The following ATP6V1B1 variants were observed in gnomAD, a reference collection of about 807,000 sequenced individuals.
ATP6V1B1 encodes the protein V-type proton ATPase subunit B, kidney isoform.
A neutral mutation model predicts 62.1 loss-of-function variants in ATP6V1B1; 41 were observed. The observed-to-expected ratio is 0.66, with a 90% CI of 0.51 to 0.86. The LOEUF (loss-of-function observed/expected upper bound fraction) is 0.86. ATP6V1B1 is among the 40% of genes least tolerant of loss of function. The pLI is 0.00. For missense variants in ATP6V1B1, 651 were observed against 697.5 expected (o/e 0.93, Z 0.75); for synonymous variants, 253 against 273.4 (o/e 0.93, Z 0.74).
chr2:70,964,558 T>C lies in ATP6V1B1; in HGVS notation c.1248+16T>C, dbSNP rs1553420707. The C allele has an allele frequency of 6.2e-7, 1 of 1,612,920 alleles. No homozygotes were observed. Among genetic ancestry groups the C allele is most frequent in the Admixed American group, 1.7e-5 (1 of 60,006 alleles). On this transcript the variant is annotated intron_variant, in intron 12 of 13. Coordinates refer to ENST00000234396, the MANE Select transcript of ATP6V1B1 (RefSeq NM_001692.4). ...CAACCAGCTGGTAAGGAGAAGAGGG[T>C]CCGGGGGCTGGTAGGTCCTCTAGTT...
Position 70,963,073 on chromosome 2 carries a change from T to G in ATP6V1B1, c.910-89T>G. 6.2e-7 allele frequency: 1 copy of G among 1,604,074 alleles called. No homozygotes were observed. Among genetic ancestry groups the G allele is most frequent in the Non-Finnish European group, 8.5e-7 (1 of 1,173,548 alleles). On this transcript the variant is annotated intron_variant, in intron 9 of 13. Coordinates refer to ENST00000234396, the MANE Select transcript of ATP6V1B1 (RefSeq NM_001692.4). This position sits in a 1 kb window ranked among gnomAD's most constrained non-coding sequence, Gnocchi z 4.3. ...ATTCCTCCCCTGCCCCCCACTCCAT[T>G]TCTCACAGGGTCACTGAACCTCCCA... is the stretch of plus-strand genomic sequence containing the variant.
chr2:70,944,157 C>A, intron 2 of ATP6V1B1: 1 of 1,286,396 alleles, frequency 7.8e-7, no homozygotes, highest in Non-Finnish European at 1.0e-6. Context: ...CAAGTCAATG[C>A]CAACTAAATT....
intron 6 of ATP6V1B1, 65 bp from the exon 7 acceptor site, chr2:70,960,856 G>C: frequency 7.1e-7 from 1 of 1,416,012 alleles, no homozygotes; most frequent in Non-Finnish European, 9.7e-7. Flanking sequence ...TGAGCCAGTG[G>C]TGCTCAGTGG....
chr2:70,960,088 G>T lies in ATP6V1B1; in HGVS notation c.585+10G>T. On this transcript the variant is annotated intron_variant, in intron 6 of 13. Transcript: ENST00000234396. The stretch of plus-strand genomic sequence containing the variant: ...GCTCCCCCACAATGAGGTGAGGCCT[G>T]CAGGGCCAGCAGGCATGGCTGGGGG... The T allele has an allele frequency of 6.2e-7, 1 of 1,613,978 alleles. No individual in the cohort carries two copies. The highest frequency in any genetic ancestry group is 8.5e-7 in the Non-Finnish European group (1 of 1,179,936).
In ATP6V1B1 at chr2:70,958,144, G is replaced by A. The variant is rs782239977; in HGVS notation, c.273G>A (p.Gln91=). 4 of 1,613,928 alleles carry A rather than the reference G, an allele frequency of 2.5e-6. No homozygotes were observed. Among genetic ancestry groups the A allele is most frequent in the Non-Finnish European group, 3.4e-6 (4 of 1,179,952 alleles). Residue 91 remains glutamine (Q), a splice_region_variant and synonymous_variant, in exon 3 of 14, where the codon CAG becomes CAA. Coordinates refer to ENST00000234396, the MANE Select transcript of ATP6V1B1 (RefSeq NM_001692.4). The part of the protein sequence containing the change: ...LEVAGTKAIV[Q]VFEGTSGIDA... The stretch of plus-strand genomic sequence containing the variant: ...TGGCTGGCACCAAGGCGATTGTTCA[G>A]GTGAGTGGGGTCAATGGGACATTGG...
chr2:70,941,693 GAT>G (rs1403071465), intron 1 of ATP6V1B1: 3 of 975,368 alleles, frequency 3.1e-6, no homozygotes, highest in Non-Finnish European at 1.2e-6. Context: ...CCATGCAGTA[GAT>G]ATGCTTGAAG....
chr2:70,948,166 A>ACCACTCTCCTCT (rs1216811823), intron 2 of ATP6V1B1: 6 of 152,020 alleles, frequency 3.9e-5, no homozygotes, highest in South Asian at 2.1e-4. Context: ...CACAGAACGC[A>ACCACTCTCCTCT]CCACTCTCCT....
intron 1 of ATP6V1B1, among the ~76,000 whole-genome samples, chr2:70,937,822 A>G (rs1679895681): frequency 6.6e-6 from 1 of 151,928 alleles, no homozygotes; most frequent in African/African-American, 2.4e-5. Context: ...GGTTGGCCCA[A>G]GCCTGGAGCC....
chr2:70,936,268 GC>G lies in ATP6V1B1; in HGVS notation c.118+197del, dbSNP rs1421385468. On this transcript the variant is annotated intron_variant, in intron 1 of 13. Coordinates refer to ENST00000234396, the MANE Select transcript of ATP6V1B1 (RefSeq NM_001692.4). The stretch of plus-strand genomic sequence containing the variant: ...AGGCCACCTCTGCAGGTGAAGGGTT[GC>G]AGGTCCCCAGCCCAGCCCACCCCAG... Among the ~76,000 whole-genome samples, 4 of 152,306 alleles carry G rather than the reference GC, an allele frequency of 2.6e-5. No individual in the cohort carries two copies. In the South Asian group the frequency reaches 6.2e-4, roughly 24 times the overall value.
chr2:70,941,529 T>C, intron 1 of ATP6V1B1: 1 of 916,174 alleles, frequency 1.1e-6, no homozygotes, highest in Non-Finnish European at 1.3e-6. Context: ...TGGTCTTCCC[T>C]CCCACTCTCG....
intron 8 of ATP6V1B1, among the ~76,000 whole-genome samples, chr2:70,962,488 T>G (rs1680613057): frequency 1.3e-5 from 2 of 152,152 alleles, no homozygotes; most frequent in Non-Finnish European, 2.9e-5. Flanking sequence ...ACTCTCATCT[T>G]CATCAGGCAC....
Position 70,959,825 on chromosome 2 carries a change from A to G in ATP6V1B1, c.446-114A>G, listed in dbSNP as rs191676951. On this transcript the variant is annotated intron_variant, in intron 5 of 13. Transcript: ENST00000234396. This position sits in a 1 kb window ranked among gnomAD's most constrained non-coding sequence, Gnocchi z 4.2. ...GGCAGCACGGCCAGAGCACGTTTCT[A>G]TCATCACAGAAAGTTCCGTCAAACA... 2 of 1,530,074 alleles carry G rather than the reference A, an allele frequency of 1.3e-6. No homozygotes were observed. The highest frequency in any genetic ancestry group is 1.7e-5 in the Admixed American group (1 of 57,700). 94.8% of individuals were successfully genotyped at this position (1,530,074 alleles called of 1,614,324 possible).
intron 1 of ATP6V1B1, chr2:70,940,333 C>CAA: frequency 1.1e-6 from 1 of 907,168 alleles, no homozygotes; most frequent in Non-Finnish European, 1.3e-6. Flanking sequence ...GCCCCATCCC[C>CAA]TCCCACACCC....
intron 11 of ATP6V1B1, 30 bp from the exon 12 acceptor site, chr2:70,964,408 G>A: frequency 6.2e-7 from 1 of 1,608,750 alleles, no homozygotes; most frequent in East Asian, 2.2e-5. Context: ...GAGTCCTGCT[G>A]TCCACCACTC....
At chr2:70,940,708 G>T (rs1679976506) in intron 1 of ATP6V1B1, 4 of 985,268 alleles carry the variant, frequency 4.1e-6, no homozygotes, top group Middle Eastern at 5.2e-4. Context: ...TTCTCAGGAA[G>T]TATGGCTGGT....
rs782755114 is a variant in ATP6V1B1 at position 70,936,083 on chromosome 2, C to G, written c.118+11C>G. ...CCCACCCCCGTGTCAGTGAGTAGCC[C>G]CTCCACCGTGACGGGTGAGGTCAGG... is the stretch of plus-strand genomic sequence containing the variant. On this transcript the variant is annotated intron_variant, in intron 1 of 13. Coordinates refer to ENST00000234396, the MANE Select transcript of ATP6V1B1 (RefSeq NM_001692.4). 6.2e-7 allele frequency: 1 copy of G among 1,613,422 alleles called. No homozygotes were observed. Among genetic ancestry groups the G allele is most frequent in the Non-Finnish European group, 8.5e-7 (1 of 1,179,422 alleles).
At chr2:70,961,738 CCGT>C in intron 8 of ATP6V1B1, 45 bp downstream of exon 8, 2 of 1,569,052 alleles carry the variant, frequency 1.3e-6, no homozygotes, top group Non-Finnish European at 8.8e-7. Flanking sequence ...TGGGCAGACC[CCGT>C]CCCCTTCCAA....
At chr2:70,949,277 A>C (rs74948094) in intron 2 of ATP6V1B1, among the ~76,000 whole-genome samples, 4,519 of 152,212 alleles carry the variant, frequency 0.03, 183 homozygotes, top group African/African-American at 0.092. Flanking sequence ...ATTCTTTTGG[A>C]TACTGGCATA....
rs549617814 is a variant in ATP6V1B1 at position 70,938,520 on chromosome 2, C to T, written c.118+2448C>T. 3.1e-6 allele frequency: 3 copies of T among 982,066 alleles called. No individual in the cohort carries two copies. The South Asian group carries it at 1.4e-4, about 46-fold the overall frequency. The allele number at this position is 982,066 out of a possible 1,614,324, so 60.8% of individuals were successfully genotyped here. A position where few individuals can be genotyped will look rare whatever the true frequency, so the allele number is the denominator to read the frequency against. ...TGGAGGTGAGTCCAGGTGACTTAGG[C>T]ATTCCCCTCCCCCGGGGGAGGTGGG... On this transcript the variant is annotated intron_variant, in intron 1 of 13. Coordinates refer to ENST00000234396, the MANE Select transcript of ATP6V1B1 (RefSeq NM_001692.4).
Sources: allele counts gnomAD v4.1 joint callset (sites outside exome capture counted in the v4.1 genomes callset), GRCh38; gene constraint gnomAD v4.1.1; non-coding constraint Gnocchi (gnomAD v3.1); transcripts MANE v1.5; gene names NCBI Gene and HGNC (gene_info 2026-07-23, HGNC 2026-07-21).